Variants in ZDHHC14 observed in about 807,000 individuals in gnomAD.
ZDHHC14 encodes palmitoyltransferase ZDHHC14.
Under a neutral mutation model 47.7 loss-of-function variants are expected in ZDHHC14, and 16 were observed. The observed-to-expected ratio is 0.34, with a 90% confidence interval of 0.23 to 0.51. The LOEUF (loss-of-function observed/expected upper bound fraction) is 0.51, where lower values mean the gene tolerates loss of function less well. Ranked by LOEUF, ZDHHC14 falls within the 20% of genes least tolerant of loss-of-function variation. The probability of loss-of-function intolerance (pLI) is 0.97; values close to 1 mark genes in which losing one functional copy is unlikely to be tolerated. For synonymous variants in ZDHHC14, 293 were observed against 278.9 expected, an observed-to-expected ratio of 1.05 and a Z score of -0.50; for missense variants, 515 against 662.5, an observed-to-expected ratio of 0.78 and a Z score of 2.44.
chr6:157,492,972 G>A (rs1437556011), intron 1 of ZDHHC14, among the ~76,000 whole-genome samples: 1 of 152,166 alleles, frequency 6.6e-6, no homozygotes, highest in Non-Finnish European at 1.5e-5. Flanking sequence ...ATTACAGCAG[G>A]GGAGGGTCCT....
chr6:157,622,304 T>G (rs947881115), intron 3 of ZDHHC14, among the ~76,000 whole-genome samples: 2 of 151,308 alleles, frequency 1.3e-5, no homozygotes, highest in Admixed American at 6.6e-5. Flanking sequence ...GCAGGAGATA[T>G]CGCTTGAACC....
chr6:157,657,655 G>GA, intron 8 of ZDHHC14, among the ~76,000 whole-genome samples: 1 of 152,306 alleles, frequency 6.6e-6, no homozygotes, highest in South Asian at 2.1e-4. Context: ...AAAACTGTAA[G>GA]AAATCTCAAC....
At chr6:157,622,216 C>CAAAAAAAAAAAAAAAAAA (rs35681787) in intron 3 of ZDHHC14, among the ~76,000 whole-genome samples, 4 of 93,894 alleles carry the variant, frequency 4.3e-5, no homozygotes, top group Non-Finnish European at 9.0e-5. Context: ...ACTAAAAATA[C>CAAAAAAAAAAAAAAAAAA]AAAAAAAAAA....
chr6:157,545,412 C>G (rs35167245), intron 2 of ZDHHC14, among the ~76,000 whole-genome samples: 61,756 of 151,664 alleles, frequency 0.41, 12,641 homozygotes, highest in Admixed American at 0.45. Flanking sequence ...CGCAGTGGCT[C>G]ACGCCTGTAA....
chr6:157,396,794 A>C (rs920498941), intron 1 of ZDHHC14, among the ~76,000 whole-genome samples: 2 of 152,338 alleles, frequency 1.3e-5, no homozygotes, highest in Middle Eastern at 6.8e-3. Context: ...CCATCATAAC[A>C]TTATTACTTA....
At chr6:157,618,511 G>A (rs750313738) in intron 3 of ZDHHC14, among the ~76,000 whole-genome samples, 9 of 152,004 alleles carry the variant, frequency 5.9e-5, no homozygotes, top group East Asian at 1.9e-4. Flanking sequence ...TAATACAGAC[G>A]GGGTTTCACC....
At chr6:157,440,496 G>C (rs373889206) in intron 1 of ZDHHC14, among the ~76,000 whole-genome samples, 41 of 152,262 alleles carry the variant, frequency 2.7e-4, no homozygotes, top group African/African-American at 9.6e-4. Flanking sequence ...AAAACACTTT[G>C]GAGGTTCCTC....
intron 1 of ZDHHC14, among the ~76,000 whole-genome samples, chr6:157,534,350 C>CA (rs1383034994): frequency 4.2e-4 from 64 of 152,252 alleles, no homozygotes; most frequent in African/African-American, 1.3e-3. Flanking sequence ...TCAGCAGCCA[C>CA]ACATGGTCTG....
chr6:157,590,932 T>C (rs1783884993), intron 2 of ZDHHC14, among the ~76,000 whole-genome samples: 1 of 152,252 alleles, frequency 6.6e-6, no homozygotes, highest in South Asian at 2.1e-4. Context: ...GACCTGCATG[T>C]GAGACATGGA....
chr6:157,427,835 A>C lies in ZDHHC14; in HGVS notation c.245+45569A>C, dbSNP rs191482247. Among the ~76,000 whole-genome samples, 2 of 152,094 alleles carry C rather than the reference A, an allele frequency of 1.3e-5. No individual in the cohort carries two copies. Among genetic ancestry groups the C allele is most frequent in the Admixed American group, 1.3e-4 (2 of 15,264 alleles). On this transcript the variant is annotated intron_variant, in intron 1 of 8. Transcript: ENST00000359775. This position sits in a 1 kb window ranked among gnomAD's most constrained non-coding sequence, Gnocchi z 4.4. Reference sequence around the variant, plus strand: ...TCCTTTCCATGACATTGTGGCCCCCAAGGACAATGGAATGGTGGGGCTCTA... The same window carrying C: ...TCCTTTCCATGACATTGTGGCCCCCCAGGACAATGGAATGGTGGGGCTCTA...
intron 8 of ZDHHC14, among the ~76,000 whole-genome samples, chr6:157,671,374 T>A (rs927619982): frequency 1.3e-5 from 2 of 152,194 alleles, no homozygotes; most frequent in Non-Finnish European, 2.9e-5. Flanking sequence ...TAAGAACTCC[T>A]GCAGAAGTGA....
At chr6:157,405,788 G>T (rs148933705) in intron 1 of ZDHHC14, among the ~76,000 whole-genome samples, 8,107 of 152,218 alleles carry the variant, frequency 0.053, 311 homozygotes, top group Admixed American at 0.086. Context: ...TCTAGTTAGC[G>T]CTTTGATGTA....
intron 1 of ZDHHC14, among the ~76,000 whole-genome samples, chr6:157,480,929 A>T (rs1261738920): frequency 5.3e-5 from 8 of 152,222 alleles, no homozygotes; most frequent in African/African-American, 1.4e-4. Flanking sequence ...TGATAGTTTT[A>T]AAAAAATGTG....
At chr6:157,489,945 G>A (rs1779873218) in intron 1 of ZDHHC14, among the ~76,000 whole-genome samples, 1 of 152,202 alleles carries the variant, frequency 6.6e-6, no homozygotes, top group Non-Finnish European at 1.5e-5. Context: ...AAGGAGACAA[G>A]TTAGGGACTG....
At chr6:157,407,593 C>T (rs949101056) in intron 1 of ZDHHC14, among the ~76,000 whole-genome samples, 21 of 152,238 alleles carry the variant, frequency 1.4e-4, no homozygotes, top group Middle Eastern at 3.4e-3. Flanking sequence ...TGAGAAGACA[C>T]AGCAATTGTC....
At chr6:157,446,116 C>A (rs1417569735) in intron 1 of ZDHHC14, among the ~76,000 whole-genome samples, 1 of 152,192 alleles carries the variant, frequency 6.6e-6, no homozygotes, top group Non-Finnish European at 1.5e-5. Context: ...ATACTTCTTG[C>A]AACCATACCT....
intron 1 of ZDHHC14, among the ~76,000 whole-genome samples, chr6:157,470,932 T>C (rs1343868091): frequency 2.0e-5 from 3 of 152,090 alleles, no homozygotes; most frequent in Non-Finnish European, 4.4e-5. Flanking sequence ...CTGGTGAAGC[T>C]GGGAAAGGAG....
At chr6:157,401,829 A>G (rs1341808036) in intron 1 of ZDHHC14, among the ~76,000 whole-genome samples, 1 of 144,890 alleles carries the variant, frequency 6.9e-6, no homozygotes, top group African/African-American at 2.6e-5. Context: ...CAGTAGTGAG[A>G]TGCACACCTG....
intron 1 of ZDHHC14, among the ~76,000 whole-genome samples, chr6:157,508,548 T>C (rs570461655): frequency 6.6e-6 from 1 of 152,192 alleles, no homozygotes; most frequent in South Asian, 2.1e-4. Flanking sequence ...TTATTTTATA[T>C]TTTTTGTAGA....
Sources: allele counts gnomAD v4.1 joint callset (sites outside exome capture counted in the v4.1 genomes callset), GRCh38; gene constraint gnomAD v4.1.1; non-coding constraint Gnocchi (gnomAD v3.1); transcripts MANE v1.5; gene names NCBI Gene and HGNC (gene_info 2026-07-23, HGNC 2026-07-21).